The following SNX29 variants were observed in gnomAD, a reference collection of about 807,000 sequenced individuals.
The protein encoded by SNX29 is sorting nexin 29.
Under a neutral mutation model 102.1 loss-of-function variants are expected in SNX29, and 78 were observed. The ratio of observed to expected loss-of-function variants is 0.76; its 90% CI spans 0.64 to 0.92. The LOEUF (loss-of-function observed/expected upper bound fraction) is 0.92, where lower values mean the gene tolerates loss of function less well. Ranked by LOEUF, SNX29 falls within the 40% of genes least tolerant of loss-of-function variation. SNX29 has a pLI of 0.00. For missense variants in SNX29, 1,280 were observed against 1,061.7 expected (o/e 1.21, Z -2.86); for synonymous variants, 580 against 414.5 (o/e 1.40, Z -4.85).
intron 14 of SNX29, among the ~76,000 whole-genome samples, chr16:12,244,782 A>T (rs1255776162): frequency 6.6e-6 from 1 of 152,154 alleles, no homozygotes; most frequent in Non-Finnish European, 1.5e-5. Context: ...AGTGGTGTGG[A>T]TGCTTAAGAA....
At chr16:12,554,548 A>G (rs545984363) in intron 20 of SNX29, among the ~76,000 whole-genome samples, 4 of 152,300 alleles carry the variant, frequency 2.6e-5, no homozygotes, top group Non-Finnish European at 2.9e-5. Context: ...GTTTTTGTGA[A>G]CTTGTTCAAC....
chr16:12,394,963 A>G (rs1427482099), intron 16 of SNX29, among the ~76,000 whole-genome samples: 3 of 152,132 alleles, frequency 2.0e-5, no homozygotes, highest in Non-Finnish European at 4.4e-5. Flanking sequence ...AAGTGAGGGT[A>G]GCTCCAATGA....
At position 12,098,473 on chromosome 16, in the gene SNX29, C is replaced by T. The variant is rs1257236670; in HGVS notation, c.1402+19558C>T. On this transcript the variant is annotated intron_variant, in intron 11 of 20. Transcript: ENST00000566228. The surrounding 1 kb of genome is among the most constrained non-coding windows in gnomAD (Gnocchi z 6.0). Reference sequence around the variant, plus strand: ...CCCACTTGCAGTGGCCACCGCGTGCCCTTTGATGGGACGTTACATTGCATT... The same window carrying T: ...CCCACTTGCAGTGGCCACCGCGTGCTCTTTGATGGGACGTTACATTGCATT... Among the ~76,000 whole-genome samples the T allele has an allele frequency of 6.6e-6, 1 of 152,150 alleles. No homozygotes were observed. Among genetic ancestry groups the T allele is most frequent in the Non-Finnish European group, 1.5e-5 (1 of 68,030 alleles).
At chr16:12,049,417 C>G (rs2050216614) in intron 7 of SNX29, among the ~76,000 whole-genome samples, 1 of 151,896 alleles carries the variant, frequency 6.6e-6, no homozygotes, top group Admixed American at 6.6e-5. Context: ...ACTGCAACCT[C>G]CACTTCCCGG....
intron 17 of SNX29, among the ~76,000 whole-genome samples, chr16:12,402,591 G>A (rs775080131): frequency 6.6e-6 from 1 of 152,228 alleles, no homozygotes; most frequent in Non-Finnish European, 1.5e-5. Flanking sequence ...GGGTACAAAT[G>A]TGACAGTGAC....
intron 19 of SNX29, among the ~76,000 whole-genome samples, chr16:12,481,787 G>A (rs1488855674): frequency 1.3e-5 from 2 of 152,094 alleles, no homozygotes; most frequent in Admixed American, 6.5e-5. Flanking sequence ...CTCCCACCTC[G>A]GCCTCACAAA....
intron 8 of SNX29, among the ~76,000 whole-genome samples, chr16:12,055,192 C>G (rs535184689): frequency 2.0e-5 from 3 of 151,230 alleles, no homozygotes; most frequent in Non-Finnish European, 4.4e-5. Flanking sequence ...ATCTGTACCT[C>G]TAACTCCATT....
At chr16:12,256,097 T>C (rs1298607819) in intron 14 of SNX29, among the ~76,000 whole-genome samples, 1 of 152,176 alleles carries the variant, frequency 6.6e-6, no homozygotes, top group Non-Finnish European at 1.5e-5. Flanking sequence ...CTCATTGTGG[T>C]TTTGATTTGC....
At chr16:12,066,009 CACA>C (rs1405263515) in intron 9 of SNX29, among the ~76,000 whole-genome samples, 1 of 152,118 alleles carries the variant, frequency 6.6e-6, no homozygotes, top group Non-Finnish European at 1.5e-5. Flanking sequence ...GCGTCAGGCC[CACA>C]ACAAGTACAA....
chr16:12,210,976 G>C (rs908590519), intron 14 of SNX29, among the ~76,000 whole-genome samples: 2 of 152,140 alleles, frequency 1.3e-5, no homozygotes, highest in African/African-American at 4.8e-5. Flanking sequence ...AGGAGTAATT[G>C]AGAGAATTAG....
chr16:12,225,041 A>G (rs771577657), intron 14 of SNX29, among the ~76,000 whole-genome samples: 1 of 152,158 alleles, frequency 6.6e-6, no homozygotes, highest in Non-Finnish European at 1.5e-5. Context: ...ACCTCCTCTT[A>G]CTTTAGTCAG....
intron 15 of SNX29, among the ~76,000 whole-genome samples, chr16:12,291,740 T>C (rs748922818): frequency 8.5e-5 from 13 of 152,156 alleles, no homozygotes; most frequent in South Asian, 2.1e-4. Flanking sequence ...AAGAGCTCCA[T>C]TGAGACATGG....
chr16:12,464,119 G>T (rs1183673676), intron 18 of SNX29, among the ~76,000 whole-genome samples: 1 of 151,272 alleles, frequency 6.6e-6, no homozygotes, highest in African/African-American at 2.4e-5. Flanking sequence ...GGCAATATTT[G>T]TCTTTCTGTG....
chr16:12,193,008 A>AT (rs1258645545), intron 13 of SNX29, among the ~76,000 whole-genome samples: 25 of 151,716 alleles, frequency 1.6e-4, no homozygotes, highest in Non-Finnish European at 3.2e-4. Context: ...AGTCTAAAAA[A>AT]TTTTTTTGTA....
intron 14 of SNX29, among the ~76,000 whole-genome samples, chr16:12,201,134 C>T (rs1421618480): frequency 6.6e-6 from 1 of 152,126 alleles, no homozygotes; most frequent in African/African-American, 2.4e-5. Flanking sequence ...TTGCTTTATT[C>T]ATATTTGGGT....
intron 20 of SNX29, among the ~76,000 whole-genome samples, chr16:12,563,221 C>G (rs761689871): frequency 6.6e-6 from 1 of 152,156 alleles, no homozygotes; most frequent in Non-Finnish European, 1.5e-5. Context: ...GGCTCATACC[C>G]TGAAAGTGGC....
intron 20 of SNX29, among the ~76,000 whole-genome samples, chr16:12,549,973 A>G (rs1441801099): frequency 6.6e-6 from 1 of 152,252 alleles, no homozygotes; most frequent in African/African-American, 2.4e-5. Context: ...ATGCCCAGTC[A>G]TTCACACTTC....
At chr16:12,466,476 G>A (rs147051930) in intron 18 of SNX29, among the ~76,000 whole-genome samples, 178 of 152,316 alleles carry the variant, frequency 1.2e-3, no homozygotes, top group African/African-American at 4.2e-3. Flanking sequence ...GAGAGATACA[G>A]CAGGGGGACA....
intron 14 of SNX29, among the ~76,000 whole-genome samples, chr16:12,253,345 C>A (rs936751124): frequency 1.3e-5 from 2 of 152,216 alleles, no homozygotes; most frequent in Non-Finnish European, 2.9e-5. Flanking sequence ...ATAAAAATTC[C>A]TGCTATGTGG....
Sources: gnomAD v4.1 joint callset for allele counts (sites outside exome capture counted in the v4.1 genomes callset) on GRCh38, gnomAD v4.1.1 for gene constraint, Gnocchi (gnomAD v3.1) non-coding constraint, MANE v1.5 for transcripts, NCBI Gene and HGNC (gene_info 2026-07-23, HGNC 2026-07-21) for gene names.